The following NEGR1 variants were observed in gnomAD, a reference collection of about 807,000 sequenced individuals.
The protein encoded by NEGR1 is IgLON family member 4.
In NEGR1, 10 loss-of-function variants were observed where a neutral mutation model predicts 40.9. That is an observed-to-expected ratio of 0.24 (90% CI 0.15 to 0.42). NEGR1 has a LOEUF of 0.42. Ranked by LOEUF, NEGR1 falls within the 10% of genes least tolerant of loss-of-function variation. NEGR1 has a pLI of 1.00. For missense variants in NEGR1, 352 were observed against 438.9 expected (o/e 0.80, Z 1.77); for synonymous variants, 185 against 166.8 (o/e 1.11, Z -0.84).
At chr1:71,672,055 A>C (rs756269221) in intron 4 of NEGR1, among the ~76,000 whole-genome samples, 5 of 151,558 alleles carry the variant, frequency 3.3e-5, no homozygotes, top group Non-Finnish European at 5.9e-5. Flanking sequence ...CTCTATTTCA[A>C]CCATAGTAAA....
At chr1:71,462,901 C>G (rs113223586) in intron 6 of NEGR1, among the ~76,000 whole-genome samples, 2 of 152,096 alleles carry the variant, frequency 1.3e-5, no homozygotes, top group African/African-American at 4.8e-5. Context: ...TAATACGTAA[C>G]TGTACAAGAA....
intron 6 of NEGR1, among the ~76,000 whole-genome samples, chr1:71,535,690 C>T (rs758604805): frequency 2.6e-5 from 4 of 151,494 alleles, no homozygotes; most frequent in Non-Finnish European, 1.5e-5. Context: ...GAAGAGAAAC[C>T]AAAGTGAGAT....
chr1:72,132,211 T>C (rs530324926), intron 1 of NEGR1, among the ~76,000 whole-genome samples: 1 of 152,338 alleles, frequency 6.6e-6, no homozygotes, highest in African/African-American at 2.4e-5. Flanking sequence ...CCACAATATC[T>C]TGATAACGTT....
At chr1:71,788,534 A>T (rs913492803) in intron 2 of NEGR1, among the ~76,000 whole-genome samples, 7 of 152,152 alleles carry the variant, frequency 4.6e-5, no homozygotes, top group Non-Finnish European at 1.0e-4. Flanking sequence ...AGCTTCTGGG[A>T]CTTATATTTA....
chr1:72,010,547 C>A (rs930107340), intron 1 of NEGR1, among the ~76,000 whole-genome samples: 4 of 151,938 alleles, frequency 2.6e-5, no homozygotes, highest in African/African-American at 7.3e-5. Flanking sequence ...CTCTTCATAC[C>A]TGCCAGTCTC....
intron 2 of NEGR1, among the ~76,000 whole-genome samples, chr1:71,858,889 A>G (rs1659860932): frequency 6.6e-6 from 1 of 151,958 alleles, no homozygotes; most frequent in African/African-American, 2.4e-5. Flanking sequence ...TTGTACCTAA[A>G]TATAGCATTC....
chr1:71,538,399 A>G (rs1375985909), intron 6 of NEGR1, among the ~76,000 whole-genome samples: 1 of 151,722 alleles, frequency 6.6e-6, no homozygotes, highest in African/African-American at 2.4e-5. Context: ...TGTGTGAGTT[A>G]TCTTTTAGAC....
chr1:71,846,537 T>A (rs1659421056), intron 2 of NEGR1, among the ~76,000 whole-genome samples: 1 of 152,176 alleles, frequency 6.6e-6, no homozygotes, highest in Non-Finnish European at 1.5e-5. Flanking sequence ...CTGGTTTCAC[T>A]TCATCCCATA....
intron 4 of NEGR1, among the ~76,000 whole-genome samples, chr1:71,660,312 T>C (rs898178475): frequency 4.0e-5 from 6 of 151,856 alleles, no homozygotes; most frequent in East Asian, 1.9e-4. Flanking sequence ...ACAACACACA[T>C]TGGGGTCTGC....
At chr1:71,556,244 G>A (rs566190967) in intron 6 of NEGR1, among the ~76,000 whole-genome samples, 1 of 151,664 alleles carries the variant, frequency 6.6e-6, no homozygotes, top group African/African-American at 2.4e-5. Context: ...AGCATTTGAA[G>A]CATAGAACTC....
chr1:71,772,940 T>C (rs1218005542), intron 3 of NEGR1, among the ~76,000 whole-genome samples: 1 of 152,116 alleles, frequency 6.6e-6, no homozygotes, highest in African/African-American at 2.4e-5. Flanking sequence ...AATTCTCAAA[T>C]ATAGAATGGA....
chr1:71,979,636 T>A (rs1332165435), intron 1 of NEGR1, among the ~76,000 whole-genome samples: 1 of 151,996 alleles, frequency 6.6e-6, no homozygotes, highest in East Asian at 1.9e-4. Context: ...AATATGGACA[T>A]GAGAGTAAAT....
At chr1:72,264,760 T>C (rs1422631839) in intron 1 of NEGR1, among the ~76,000 whole-genome samples, 1 of 150,842 alleles carries the variant, frequency 6.6e-6, no homozygotes, top group East Asian at 1.9e-4. Flanking sequence ...TACAAAACGT[T>C]TAATAATGCA....
At chr1:71,967,535 T>C (rs1036725106) in intron 1 of NEGR1, among the ~76,000 whole-genome samples, 2 of 152,196 alleles carry the variant, frequency 1.3e-5, no homozygotes, top group African/African-American at 2.4e-5. Context: ...ACTAGAGACA[T>C]ACATGATTAT....
intron 6 of NEGR1, among the ~76,000 whole-genome samples, chr1:71,410,041 C>T (rs1009692779): frequency 3.3e-5 from 5 of 151,978 alleles, no homozygotes; most frequent in African/African-American, 1.2e-4. Flanking sequence ...TCCACTCAGC[C>T]TCCTATTGTC....
chr1:71,567,932 C>T (rs569838796), intron 6 of NEGR1, among the ~76,000 whole-genome samples: 67 of 152,188 alleles, frequency 4.4e-4, no homozygotes, highest in Admixed American at 1.2e-3. Flanking sequence ...AGAGGGCCCT[C>T]ACCCGAACCT....
chr1:71,898,987 T>C (rs1276342754), intron 2 of NEGR1, among the ~76,000 whole-genome samples: 1 of 72,754 alleles, frequency 1.4e-5, no homozygotes, highest in African/African-American at 4.1e-5. Context: ...ATAGCATATA[T>C]ATATATATAT....
intron 6 of NEGR1, among the ~76,000 whole-genome samples, chr1:71,408,248 A>G (rs1646292252): frequency 6.6e-6 from 1 of 152,088 alleles, no homozygotes; most frequent in South Asian, 2.1e-4. Context: ...TAGAATATAA[A>G]GGTAGATTTA....
At chr1:71,817,273 G>A (rs986529021) in intron 2 of NEGR1, among the ~76,000 whole-genome samples, 12 of 152,034 alleles carry the variant, frequency 7.9e-5, no homozygotes, top group Admixed American at 3.3e-4. Context: ...CAGCCACCTG[G>A]CTCAAACAGC....
Sources: gnomAD v4.1 joint callset for allele counts (sites outside exome capture counted in the v4.1 genomes callset) on GRCh38, gnomAD v4.1.1 for gene constraint, MANE v1.5 for transcripts, NCBI Gene and HGNC (gene_info 2026-07-23, HGNC 2026-07-21) for gene names.